The following CALN1 variants were observed in gnomAD, a reference collection of about 807,000 sequenced individuals.
The protein encoded by CALN1 is calneuron 1, also known as calcium-binding protein 8.
CALN1 carries 17 observed loss-of-function variants against 30.6 expected under a neutral mutation model. The ratio of observed to expected loss-of-function variants is 0.56; its 90% CI spans 0.38 to 0.83. The LOEUF (loss-of-function observed/expected upper bound fraction) is 0.83. Among genes scored for constraint, CALN1 ranks in the 40% least tolerant of loss-of-function variants. The probability of loss-of-function intolerance (pLI) is 0.00; values close to 1 mark genes in which losing one functional copy is unlikely to be tolerated. For missense variants in CALN1, 291 were observed against 354.9 expected, an observed-to-expected ratio of 0.82 and a Z score of 1.45; for synonymous variants, 156 against 131.4, an observed-to-expected ratio of 1.19 and a Z score of -1.28.
At chr7:72,278,472 T>TACACACACACACACACACAC (rs59010102) in intron 3 of CALN1, among the ~76,000 whole-genome samples, 52 of 144,082 alleles carry the variant, frequency 3.6e-4, no homozygotes, top group Middle Eastern at 3.6e-3. Flanking sequence ...ATCAGGTCTG[T>TACACACACACACACACACAC]ACACACACAC....
intron 1 of CALN1, among the ~76,000 whole-genome samples, chr7:72,403,857 G>C (rs1806521439): frequency 6.6e-6 from 1 of 152,156 alleles, no homozygotes. Context: ...AACTAAATGG[G>C]GGACTGAGCT....
intron 2 of CALN1, among the ~76,000 whole-genome samples, chr7:72,290,963 A>G (rs371205176): frequency 4.0e-5 from 6 of 149,398 alleles, no homozygotes; most frequent in South Asian, 2.1e-4. Context: ...TCACTCTGTC[A>G]TCCAGGCTGG....
chr7:72,051,196 A>G (rs2129535866), intron 4 of CALN1, among the ~76,000 whole-genome samples: 1 of 152,052 alleles, frequency 6.6e-6, no homozygotes, highest in East Asian at 1.9e-4. Flanking sequence ...TATCAAAAAG[A>G]GAGTTATTTG....
chr7:72,163,695 A>T lies in CALN1; in HGVS notation c.245-57401T>A, dbSNP rs1788306019. Among the ~76,000 whole-genome samples, 3 of 152,332 alleles carry T rather than the reference A, an allele frequency of 2.0e-5. No homozygotes were observed. In the South Asian group the frequency reaches 6.2e-4, roughly 32 times the overall value. ...GAAGATTAGAGATGGCAGAAGAATC[A>T]ACGAATTTGAAGACAGATCAATAGA... On this transcript the variant is annotated intron_variant, in intron 3 of 6. Coordinates refer to ENST00000395275, the MANE Select transcript of CALN1 (RefSeq NM_031468.4).
intron 4 of CALN1, among the ~76,000 whole-genome samples, chr7:72,104,570 C>T (rs1342912293): frequency 5.3e-5 from 8 of 152,116 alleles, no homozygotes; most frequent in African/African-American, 7.2e-5. Flanking sequence ...CAACAGGCCC[C>T]AGTGTGTTGT....
In CALN1 at chr7:71,785,061, C is replaced by T. The variant is rs1209837627; in HGVS notation, c.*2714G>A. On this transcript the variant is annotated 3_prime_UTR_variant, in exon 7 of 7. Coordinates refer to ENST00000395275, the MANE Select transcript of CALN1 (RefSeq NM_031468.4). ...CCTGAAGTCTAAGGAATGCCGCTAG[C>T]TCAGGGCCGTCTCCACGCACTGTGT... 1.0e-5 allele frequency: 4 copies of T among 393,614 alleles called. No individual in the cohort carries two copies. Among genetic ancestry groups the T allele is most frequent in the Non-Finnish European group, 4.5e-6 (1 of 223,642 alleles). The allele number at this position is 393,614 out of a possible 1,614,324, so 24.4% of individuals were successfully genotyped here. A position where few individuals can be genotyped will look rare whatever the true frequency, so the allele number is the denominator to read the frequency against.
At position 72,031,835 on chromosome 7, in the gene CALN1, G is replaced by A. The variant is rs542099105; in HGVS notation, c.389-8066C>T. On this transcript the variant is annotated intron_variant, in intron 4 of 6. Coordinates refer to ENST00000395275, the MANE Select transcript of CALN1 (RefSeq NM_031468.4). ...TGGCTGATCGCAACCTCCGCCTTCC[G>A]GGTTCAAGTGATTCTCCTGCCTCAG... Among the ~76,000 whole-genome samples the A allele has an allele frequency of 7.4e-5, 11 of 149,546 alleles. No homozygotes were observed. In the East Asian group the frequency reaches 1.8e-3, roughly 24 times the overall value.
intron 3 of CALN1, among the ~76,000 whole-genome samples, chr7:72,240,996 C>A (rs996562912): frequency 7.9e-5 from 12 of 152,198 alleles, no homozygotes; most frequent in Admixed American, 7.9e-4. Context: ...ATTACTTACT[C>A]CCCGCATTAT....
intron 2 of CALN1, among the ~76,000 whole-genome samples, chr7:72,371,057 A>C (rs1804213234): frequency 1.3e-5 from 2 of 151,822 alleles, no homozygotes; most frequent in African/African-American, 2.4e-5. Context: ...CAAAAAAAAA[A>C]AAAAAAAAAG....
chr7:72,115,693 G>A (rs2129541854), intron 3 of CALN1, among the ~76,000 whole-genome samples: 1 of 151,722 alleles, frequency 6.6e-6, no homozygotes, highest in Middle Eastern at 3.4e-3. Context: ...TCGCCACGTT[G>A]GCCAGGCTGG....
intron 6 of CALN1, among the ~76,000 whole-genome samples, chr7:71,799,685 A>G (rs1249213066): frequency 1.3e-5 from 2 of 152,052 alleles, no homozygotes; most frequent in African/African-American, 4.8e-5. Context: ...CATGTTGGTC[A>G]GGCTGGTCTC....
chr7:72,072,169 C>T (rs1205398679), intron 4 of CALN1, among the ~76,000 whole-genome samples: 2 of 152,160 alleles, frequency 1.3e-5, no homozygotes, highest in African/African-American at 4.8e-5. Flanking sequence ...ATCCAAGAAG[C>T]TCAATGAACT....
chr7:72,125,799 CTTT>C lies in CALN1; in HGVS notation c.245-19508_245-19506del, dbSNP rs61475416. 2.4e-3 allele frequency among the ~76,000 whole-genome samples: 279 copies of C among 114,744 alleles called. 4 individuals are homozygous for C. In the East Asian group the frequency reaches 0.045, roughly 18 times the overall value. The allele number at this position is 114,744 out of a possible 152,430, so 75.3% of individuals were successfully genotyped here. ...CAAGTCCCAAGTCCACTGTATCATT[CTTT>C]TTTTTTTTTTTTTTTTTGAGACGGA... is the stretch of plus-strand genomic sequence containing the variant. On this transcript the variant is annotated intron_variant, in intron 3 of 6. Coordinates refer to ENST00000395275, the MANE Select transcript of CALN1 (RefSeq NM_031468.4).
At chr7:71,873,752 T>C (rs1180799146) in intron 5 of CALN1, among the ~76,000 whole-genome samples, 1 of 152,256 alleles carries the variant, frequency 6.6e-6, no homozygotes. Context: ...TGAGACCCAC[T>C]GTGCTAAGTT....
chr7:72,273,252 T>G (rs1797113607), intron 3 of CALN1, among the ~76,000 whole-genome samples: 1 of 151,912 alleles, frequency 6.6e-6, no homozygotes, highest in Non-Finnish European at 1.5e-5. Context: ...GACTACCCTG[T>G]CTCTACTAAA....
intron 3 of CALN1, among the ~76,000 whole-genome samples, chr7:72,205,567 T>TACACATATATATATAC (rs1562733737): frequency 1.7e-5 from 2 of 118,204 alleles, no homozygotes; most frequent in African/African-American, 7.2e-5. Context: ...TATATATATA[T>TACACATATATATATAC]GTATATATAT....
intron 5 of CALN1, among the ~76,000 whole-genome samples, chr7:71,852,124 G>C (rs1029269031): frequency 6.6e-6 from 1 of 152,148 alleles, no homozygotes; most frequent in African/African-American, 2.4e-5. Flanking sequence ...ATTCCATTTT[G>C]TCATCGAACA....
chr7:72,087,962 G>A (rs756810449), intron 4 of CALN1, among the ~76,000 whole-genome samples: 6 of 151,982 alleles, frequency 3.9e-5, no homozygotes, highest in Non-Finnish European at 5.9e-5. Context: ...CAGGAGTTTG[G>A]AAACAGCCTG....
intron 5 of CALN1, among the ~76,000 whole-genome samples, chr7:71,952,506 G>A (rs1196347575): frequency 6.6e-6 from 1 of 152,198 alleles, no homozygotes; most frequent in Non-Finnish European, 1.5e-5. Context: ...CCTTGGCCAG[G>A]CGGCAATGCT....
Sources: gnomAD v4.1 joint callset for allele counts (sites outside exome capture counted in the v4.1 genomes callset) on GRCh38, gnomAD v4.1.1 for gene constraint, MANE v1.5 for transcripts, NCBI Gene and HGNC (gene_info 2026-07-23, HGNC 2026-07-21) for gene names.